CNBD1: variants seen among roughly 807,000 people sequenced by gnomAD.
CNBD1 encodes the protein cyclic nucleotide binding domain containing 1.
CNBD1 carries 71 observed loss-of-function variants against 54.4 expected under a neutral mutation model. The observed-to-expected ratio is 1.30, with a 90% CI of 1.08 to 1.59. The LOEUF is 1.59. CNBD1 is among the 40% of genes most tolerant of loss of function. CNBD1 has a pLI of 0.00. For missense variants in CNBD1, 659 were observed against 518.0 expected, an observed-to-expected ratio of 1.27 and a Z score of -2.64; for synonymous variants, 182 against 170.7, an observed-to-expected ratio of 1.07 and a Z score of -0.51.
At chr8:87,333,945 A>G (rs1249626670) in intron 8 of CNBD1, among the ~76,000 whole-genome samples, 1 of 152,140 alleles carries the variant, frequency 6.6e-6, no homozygotes, top group Non-Finnish European at 1.5e-5. Context: ...AAAGAATGGT[A>G]CCAGCTCCTC....
At chr8:87,155,390 G>C (rs1338963323) in intron 4 of CNBD1, among the ~76,000 whole-genome samples, 3 of 152,124 alleles carry the variant, frequency 2.0e-5, no homozygotes, top group Non-Finnish European at 2.9e-5. Flanking sequence ...ATATATTAAA[G>C]GAGGAATAAA....
intron 8 of CNBD1, among the ~76,000 whole-genome samples, chr8:87,341,933 A>T (rs1237668866): frequency 1.3e-5 from 2 of 152,144 alleles, no homozygotes; most frequent in African/African-American, 4.8e-5. Flanking sequence ...TTTCATGTTC[A>T]CTCAGATACA....
At chr8:87,256,427 G>T (rs1808027282) in intron 6 of CNBD1, among the ~76,000 whole-genome samples, 1 of 152,008 alleles carries the variant, frequency 6.6e-6, no homozygotes. Context: ...TTGAATCCAG[G>T]TGTCCTGGTT....
intron 4 of CNBD1, among the ~76,000 whole-genome samples, chr8:87,135,472 T>C (rs1056634665): frequency 1.3e-5 from 2 of 151,260 alleles, no homozygotes; most frequent in African/African-American, 2.4e-5. Flanking sequence ...GTATTAAACA[T>C]GTGTTGCTAG....
At chr8:87,021,823 A>G (rs1002758164) in intron 4 of CNBD1, among the ~76,000 whole-genome samples, 1 of 152,210 alleles carries the variant, frequency 6.6e-6, no homozygotes, top group African/African-American at 2.4e-5. Context: ...AAATACACAT[A>G]AATGCAGTTA....
intron 6 of CNBD1, among the ~76,000 whole-genome samples, chr8:87,264,908 T>A (rs531897815): frequency 6.6e-6 from 1 of 152,278 alleles, no homozygotes; most frequent in Admixed American, 6.5e-5. Context: ...TAGCCCTTTG[T>A]CAGATGAGTA....
At position 87,024,248 on chromosome 8, in the gene CNBD1, GAA is replaced by G. The variant is rs747783329; in HGVS notation, c.431+84509_431+84510del. On this transcript the variant is annotated intron_variant, in intron 4 of 10. Transcript: ENST00000518476. ...AGCGAGACTCCATCTCAAAAAAAAA[GAA>G]AAAAAAAAAAAAAAGCTATCCAGGA... Among the ~76,000 whole-genome samples, 662 of 115,820 alleles carry G rather than the reference GAA, an allele frequency of 5.7e-3. 4 individuals are homozygous for G. Among genetic ancestry groups the G allele is most frequent in the African/African-American group, 0.011 (366 of 32,606 alleles). 76.0% of individuals were successfully genotyped at this position (115,820 alleles called of 152,430 possible).
At chr8:87,341,427 T>TAATCAG in intron 8 of CNBD1, among the ~76,000 whole-genome samples, 1 of 152,176 alleles carries the variant, frequency 6.6e-6, no homozygotes, top group East Asian at 1.9e-4. Context: ...TGCTGGGAGT[T>TAATCAG]TTCTCTTAAT....
chr8:87,338,550 G>A (rs545032254), intron 8 of CNBD1, among the ~76,000 whole-genome samples: 72 of 151,224 alleles, frequency 4.8e-4, no homozygotes, highest in African/African-American at 1.6e-3. Flanking sequence ...TGATTTCTGA[G>A]AAGTCAGATG....
At chr8:87,123,731 G>T (rs770607068) in intron 4 of CNBD1, among the ~76,000 whole-genome samples, 1 of 151,572 alleles carries the variant, frequency 6.6e-6, no homozygotes, top group Non-Finnish European at 1.5e-5. Context: ...TGAAGAGTTG[G>T]TTTTTTGAAA....
chr8:87,381,526 A>G (rs1490903031), intron 10 of CNBD1, among the ~76,000 whole-genome samples: 1 of 152,008 alleles, frequency 6.6e-6, no homozygotes, highest in Non-Finnish European at 1.5e-5. Context: ...AGTTCTAGAT[A>G]TTTTCTAAAG....
intron 2 of CNBD1, among the ~76,000 whole-genome samples, chr8:87,411,509 C>T (rs1456877585): frequency 1.4e-5 from 2 of 148,002 alleles, no homozygotes; most frequent in African/African-American, 2.5e-5. Flanking sequence ...TGATTCATAT[C>T]CAACCAATTA....
chr8:86,998,330 G>C (rs533654801), intron 4 of CNBD1, among the ~76,000 whole-genome samples: 1 of 151,852 alleles, frequency 6.6e-6, no homozygotes, highest in Non-Finnish European at 1.5e-5. Flanking sequence ...GGCACATCAC[G>C]GTCTTCTTGT....
chr8:87,354,622 G>T (rs1471547652), intron 10 of CNBD1, among the ~76,000 whole-genome samples: 4 of 146,792 alleles, frequency 2.7e-5, no homozygotes, highest in African/African-American at 7.6e-5. Flanking sequence ...TGTTCTCATT[G>T]TTCAATTCCC....
At chr8:86,943,223 A>C (rs1384580039) in intron 4 of CNBD1, among the ~76,000 whole-genome samples, 1 of 152,034 alleles carries the variant, frequency 6.6e-6, no homozygotes, top group Non-Finnish European at 1.5e-5. Flanking sequence ...TCTATTAAAA[A>C]TACAAAAATT....
chr8:87,421,320 T>A (rs13255602), intron 2 of CNBD1, among the ~76,000 whole-genome samples: 45,764 of 151,244 alleles, frequency 0.3, 7,262 homozygotes, highest in Middle Eastern at 0.41. Context: ...CATGTGCACA[T>A]TGTGCAGGTT....
At position 87,425,109 on chromosome 8, in the gene CNBD1, G is replaced by A. The variant is rs369764056; in HGVS notation, c.214-3437G>A. Among the ~76,000 whole-genome samples the A allele has an allele frequency of 9.5e-4, 145 of 151,864 alleles. 1 individual carries two copies. The highest frequency in any genetic ancestry group is 3.0e-3 in the African/African-American group (125 of 41,402). On this transcript the variant is annotated intron_variant, in intron 2 of 7. Coordinates refer to the CNBD1 transcript ENST00000521593. ...CTGATACCCTTTCTTCCAGTTGATC[G>A]CATCGGCTCCTGAGGCTTCTGCATT...
intron 10 of CNBD1, among the ~76,000 whole-genome samples, chr8:87,368,302 T>A (rs1810685753): frequency 6.6e-6 from 1 of 151,904 alleles, no homozygotes; most frequent in Non-Finnish European, 1.5e-5. Flanking sequence ...AAATCTTAAG[T>A]TTTGGAAGGG....
chr8:87,260,096 C>T (rs13254110), intron 6 of CNBD1, among the ~76,000 whole-genome samples: 48,819 of 151,998 alleles, frequency 0.32, 8,609 homozygotes, highest in Non-Finnish European at 0.4. Flanking sequence ...ATCTTAGCTA[C>T]TGAGCTACAG....
Sources: gnomAD v4.1 joint callset for allele counts (sites outside exome capture counted in the v4.1 genomes callset) on GRCh38, gnomAD v4.1.1 for gene constraint, MANE v1.5 for transcripts, NCBI Gene and HGNC (gene_info 2026-07-23, HGNC 2026-07-21) for gene names.